Variants in OPN4 observed in about 807,000 individuals in gnomAD.
The protein encoded by OPN4 is melanopsin.
In OPN4, 43 loss-of-function variants were observed where a neutral mutation model predicts 49.5. The ratio of observed to expected loss-of-function variants is 0.87; its 90% CI spans 0.68 to 1.12. The LOEUF (loss-of-function observed/expected upper bound fraction) is 1.12. Ranked by LOEUF, OPN4 falls within the 50% of genes most tolerant of loss-of-function variation. The pLI, the probability that OPN4 is intolerant of heterozygous loss-of-function variation, is 0.00. For missense variants in OPN4, 657 were observed against 643.9 expected, an observed-to-expected ratio of 1.02 and a Z score of -0.22; for synonymous variants, 263 against 258.0, an observed-to-expected ratio of 1.02 and a Z score of -0.19.
At chr10:86,663,611 C>A in intron 8 of OPN4, 48 bp from the exon 9 acceptor site, 1 of 1,459,238 alleles carries the variant, frequency 6.9e-7, no homozygotes, top group Non-Finnish European at 9.1e-7. Context: ...AGGAGCAAAG[C>A]TACGGACTGT....
chr10:86,659,475 G>A lies in OPN4; in HGVS notation c.800+7G>A, dbSNP rs1415704294. ...CCATCCGGGAGACAGGACGGTAAGA[G>A]CCGAGCATGGAGGGGGGCTACAGGA... On this transcript the variant is annotated splice_region_variant and intron_variant, in intron 5 of 9. Transcript: ENST00000241891. The A allele has an allele frequency of 6.2e-7, 1 of 1,613,168 alleles. No individual in the cohort carries two copies. The highest frequency in any genetic ancestry group is 1.3e-5 in the African/African-American group (1 of 75,074).
At chr10:86,654,985 C>T (rs1287280386) in intron 1 of OPN4, 58 bp downstream of exon 1, 6 of 1,543,324 alleles carry the variant, frequency 3.9e-6, no homozygotes, top group Non-Finnish European at 5.3e-6. Context: ...TCCTGGTCCC[C>T]TCCTGGCCAC....
chr10:86,665,856 G>A lies in OPN4; in HGVS notation c.*105G>A. 1.1e-6 allele frequency: 1 copy of A among 939,618 alleles called. No homozygotes were observed. Among genetic ancestry groups the A allele is most frequent in the South Asian group, 1.5e-5 (1 of 68,854 alleles). 58.2% of individuals were successfully genotyped at this position (939,618 alleles called of 1,614,324 possible). On this transcript the variant is annotated 3_prime_UTR_variant, in exon 10 of 10. Transcript: ENST00000241891. ...TGCTGTGAGCCTGCAGGCTTTGGAA[G>A]TGGCCCTGTCACCCGTGCTGCACGG... is the stretch of plus-strand genomic sequence containing the variant.
At chr10:86,660,112 C>T (rs891020655) in intron 6 of OPN4, 53 bp downstream of exon 6, 4 of 1,588,982 alleles carry the variant, frequency 2.5e-6, no homozygotes, top group African/African-American at 1.3e-5. Flanking sequence ...GGGGCAGGAG[C>T]AAGAAGCCTG....
At chr10:86,665,260 T>A (rs1051841385) in intron 9 of OPN4, among the ~76,000 whole-genome samples, 2 of 152,082 alleles carry the variant, frequency 1.3e-5, no homozygotes, top group Admixed American at 1.3e-4. Context: ...CATCAGGGAC[T>A]GGCTTAGGTG....
Position 86,658,592 on chromosome 10 carries a change from C to T in OPN4, c.533C>T (p.Thr178Ile), listed in dbSNP as rs751426064. The part of the protein sequence containing the change: ...RYLVITRPLA[T>I]FGVASKRRAA... Reference sequence around the variant, plus strand: ...CTGGTAATCACACGCCCGCTGGCCACCTTTGGTGTGGCGTCCAAGAGGCGT... The same window carrying T: ...CTGGTAATCACACGCCCGCTGGCCATCTTTGGTGTGGCGTCCAAGAGGCGT... The change falls in exon 4 of 10, where the codon ACC (threonine) becomes ATC (isoleucine). Residue 178 changes from threonine to isoleucine, a missense_variant. Physicochemically the swap from Thr to Ile is moderately conservative, Grantham distance 89. Coordinates refer to ENST00000241891, the MANE Select transcript of OPN4 (RefSeq NM_033282.4). The T allele has an allele frequency of 1.9e-6, 3 of 1,614,194 alleles. No individual in the cohort carries two copies. The highest frequency in any genetic ancestry group is 1.7e-6 in the Non-Finnish European group (2 of 1,180,044).
At chr10:86,656,515 G>A (rs1294154902) in intron 2 of OPN4, among the ~76,000 whole-genome samples, 3 of 152,190 alleles carry the variant, frequency 2.0e-5, no homozygotes, top group African/African-American at 7.2e-5. Context: ...TTGACTGACT[G>A]GCACTAATTG....
rs185200496 is a variant in OPN4, at chr10:86,656,195, C to A, written c.185C>A (p.Thr62Lys). 6.2e-7 allele frequency: 1 copy of A among 1,614,202 alleles called. No individual in the cohort carries two copies. Among genetic ancestry groups the A allele is most frequent in the Non-Finnish European group, 8.5e-7 (1 of 1,180,036 alleles). ...TWAAAWVPLP[T>K]VDVPDHAHYT... ...GCTGCTGCCTGGGTCCCCCTCCCCA[C>A]GGTTGATGTTCCAGACCATGCCCAC... Residue 62 changes from threonine (T) to lysine (K), a missense_variant, in exon 2 of 10, where the codon ACG (threonine) becomes AAG (lysine). By Grantham distance (78) the Thr-to-Lys change is moderately conservative. Transcript: ENST00000241891.
rs772762533 is a variant in OPN4 at position 86,656,151 on chromosome 10, G to A, written c.145-4G>A. ...GATTCCCTCGTTTCTCTGTCTCTCC[G>A]CAGGCACCTGGGACTTGGGCTGCTG... On this transcript the variant is annotated splice_polypyrimidine_tract_variant and splice_region_variant and intron_variant, in intron 1 of 9. Coordinates refer to ENST00000241891, the MANE Select transcript of OPN4 (RefSeq NM_033282.4). 48 of 1,613,998 alleles carry A rather than the reference G, an allele frequency of 3.0e-5. 1 individual carries two copies. The highest frequency in any genetic ancestry group is 7.7e-5 in the South Asian group (7 of 91,080).
chr10:86,662,291 G>A lies in OPN4; in HGVS notation c.1113G>A (p.Leu371=), dbSNP rs1333215705. The A allele has an allele frequency of 1.2e-6, 2 of 1,609,420 alleles. No homozygotes were observed. The highest frequency in any genetic ancestry group is 1.7e-6 in the Non-Finnish European group (2 of 1,179,272). The change falls in exon 8 of 10, where the codon CTG becomes CTA. Residue 371 remains leucine (L), a synonymous_variant. Transcript: ENST00000241891. Reference sequence around the variant, plus strand: ...AGCACCTGCCCTGCCTGGGGGTGCTGCTGGGTGTATCACGCCGGCACAGTC... The same window carrying A: ...AGCACCTGCCCTGCCTGGGGGTGCTACTGGGTGTATCACGCCGGCACAGTC... The part of the protein sequence containing the change: ...IAQHLPCLGV[L]LGVSRRHSRP...
rs758582392 is a variant in OPN4, at chr10:86,659,998, A to ATCC, written c.910_912dup (p.Leu304dup). The ATCC allele has an allele frequency of 2.5e-6, 4 of 1,614,196 alleles. No individual in the cohort carries two copies. The South Asian group carries it at 4.4e-5, about 18-fold the overall frequency. On this transcript the variant is annotated inframe_insertion, in exon 6 of 10. Transcript: ENST00000241891. ...GATGGCCAAGATCATGCTGCTGGTCATCCTCCTCTTCGTGCTCTCCTGGGC... is the reference window on the plus strand; with the variant it reads ...GATGGCCAAGATCATGCTGCTGGTCATCCTCCTCCTCTTCGTGCTCTCCTGGGC...
In OPN4 at chr10:86,657,632, G is replaced by T. The variant is rs536621250; in HGVS notation, c.291-400G>T. 9.9e-5 allele frequency among the ~76,000 whole-genome samples: 15 copies of T among 152,280 alleles called. No individual in the cohort carries two copies. The South Asian group carries it at 2.1e-3, about 21-fold the overall frequency. On this transcript the variant is annotated intron_variant, in intron 2 of 9. Transcript: ENST00000241891. The stretch of plus-strand genomic sequence containing the variant: ...CCTCTAGGGAGACCTTGGCCTAGAG[G>T]GACTCAAGGAAACCAGTGAATTGGT...
chr10:86,654,609 G>A lies in OPN4; in HGVS notation c.-175G>A, dbSNP rs368905430. On this transcript the variant is annotated 5_prime_UTR_variant, in exon 1 of 10. Coordinates refer to ENST00000241891, the MANE Select transcript of OPN4 (RefSeq NM_033282.4). Reference sequence around the variant, plus strand: ...TTCACCAGACACAGAGCAACCGCCAGCCCCAAGAGCAGCTCCAGGCTGGAT... The same window carrying A: ...TTCACCAGACACAGAGCAACCGCCAACCCCAAGAGCAGCTCCAGGCTGGAT... The A allele has an allele frequency of 2.6e-5, 21 of 816,208 alleles. No homozygotes were observed. The highest frequency in any genetic ancestry group is 2.4e-4 in the African/African-American group (14 of 58,472). The allele number at this position is 816,208 out of a possible 1,614,324, so 50.6% of individuals were successfully genotyped here.
rs565267768 is a variant in OPN4 at position 86,659,560 on chromosome 10, A to G, written c.800+92A>G. ...CCACCACTCACACCTGCACCAGCCT[A>G]CCAGAGCATGACCAGTGGGTGAAGG... On this transcript the variant is annotated intron_variant, in intron 5 of 9. Coordinates refer to ENST00000241891, the MANE Select transcript of OPN4 (RefSeq NM_033282.4). 1.3e-4 allele frequency: 190 copies of G among 1,496,124 alleles called. No individual in the cohort carries two copies. The Middle Eastern group carries it at 1.4e-3, about 11-fold the overall frequency. The allele number at this position is 1,496,124 out of a possible 1,614,324, so 92.7% of individuals were successfully genotyped here. A position where few individuals can be genotyped will look rare whatever the true frequency, so the allele number is the denominator to read the frequency against.
Position 86,658,422 on chromosome 10 carries a change from CAG to C in OPN4, c.425-59_425-58del. On this transcript the variant is annotated intron_variant, in intron 3 of 9. Coordinates refer to ENST00000241891, the MANE Select transcript of OPN4 (RefSeq NM_033282.4). ...TCTTCCTGTGAGGTGAAGGCCAGAG[CAG>C]AGTCTACCCTGTCCCCAGACCCTCC... 2.6e-6 allele frequency: 4 copies of C among 1,550,204 alleles called. 1 individual carries two copies.
Position 86,654,884 on chromosome 10 carries a change from G to A in OPN4, c.101G>A (p.Ser34Asn), listed in dbSNP as rs1401569765. ...CCCAGCTGGTGGGACAGCTCCCAGAGCAGCATCTCCAGCCTGGGCCGGCTT... is the reference window on the plus strand; with the variant it reads ...CCCAGCTGGTGGGACAGCTCCCAGAACAGCATCTCCAGCCTGGGCCGGCTT... ...APPSWWDSSQ[S>N]SISSLGRLPS... The change falls in exon 1 of 10, where the codon AGC becomes AAC. Residue 34 changes from serine to asparagine, a missense_variant. Ser to Asn is a conservative substitution (Grantham distance 46). Coordinates refer to ENST00000241891, the MANE Select transcript of OPN4 (RefSeq NM_033282.4). The A allele has an allele frequency of 1.2e-6, 2 of 1,613,846 alleles. No homozygotes were observed. Among genetic ancestry groups the A allele is most frequent in the Admixed American group, 1.7e-5 (1 of 60,026 alleles).
Position 86,654,547 on chromosome 10 carries a change from G to C in OPN4, c.-237G>C. The C allele has an allele frequency of 1.9e-6, 1 of 528,394 alleles. No homozygotes were observed. The highest frequency in any genetic ancestry group is 3.3e-6 in the Non-Finnish European group (1 of 299,168). 32.7% of individuals were successfully genotyped at this position (528,394 alleles called of 1,614,324 possible). On this transcript the variant is annotated 5_prime_UTR_variant, in exon 1 of 10. Transcript: ENST00000241891. The stretch of plus-strand genomic sequence containing the variant: ...AAAGATGGGGATGAACTCTGTGGCT[G>C]TGAGTCACCATAACTGCGACACTCA...
In OPN4 at chr10:86,658,173, C is replaced by G. The variant is rs1843915047; in HGVS notation, c.424+8C>G. 1 of 1,612,248 alleles carries G rather than the reference C, an allele frequency of 6.2e-7. No individual in the cohort carries two copies. The highest frequency in any genetic ancestry group is 1.1e-5 in the South Asian group (1 of 90,620). ...GGCTCTTTGGGGAGACAGGTAGATG[C>G]TGGGGCTCCCTTTTGCTGGAGGGAG... is the stretch of plus-strand genomic sequence containing the variant. On this transcript the variant is annotated splice_region_variant and intron_variant, in intron 3 of 9. Coordinates refer to ENST00000241891, the MANE Select transcript of OPN4 (RefSeq NM_033282.4).
intron 2 of OPN4, 35 bp from the exon 3 acceptor site, chr10:86,657,997 A>C: frequency 6.2e-7 from 1 of 1,602,650 alleles, no homozygotes; most frequent in Non-Finnish European, 8.5e-7. Flanking sequence ...TGGAGGTGTC[A>C]GGAAGCGCCT....
Sources: allele counts gnomAD v4.1 joint callset (sites outside exome capture counted in the v4.1 genomes callset), GRCh38; gene constraint gnomAD v4.1.1; transcripts MANE v1.5; gene names NCBI Gene and HGNC (gene_info 2026-07-23, HGNC 2026-07-21).